Variants in ZNF248 observed in about 807,000 individuals in gnomAD.
ZNF248 encodes the protein KRAB protein domain.
ZNF248 carries 20 observed loss-of-function variants against 44.3 expected under a neutral mutation model. That is an observed-to-expected ratio of 0.45 (90% CI 0.32 to 0.66). The LOEUF (loss-of-function observed/expected upper bound fraction) is 0.66, where lower values mean the gene tolerates loss of function less well. Among genes scored for constraint, ZNF248 ranks in the 30% least tolerant of loss-of-function variants. The probability of loss-of-function intolerance (pLI) is 0.04; values close to 1 mark genes in which losing one functional copy is unlikely to be tolerated. For synonymous variants in ZNF248, 224 were observed against 229.0 expected (o/e 0.98, Z 0.20); for missense variants, 654 against 677.0 (o/e 0.97, Z 0.38).
At chr10:37,782,829 A>G (rs1473587292) in intron 6 of ZNF248, among the ~76,000 whole-genome samples, 1 of 152,122 alleles carries the variant, frequency 6.6e-6, no homozygotes, top group African/African-American at 2.4e-5. Context: ...CAGAAAGAAC[A>G]TGGGCCTGCC....
intron 6 of ZNF248, among the ~76,000 whole-genome samples, chr10:37,792,817 T>C (rs1401301770): frequency 1.3e-5 from 2 of 152,150 alleles, no homozygotes; most frequent in East Asian, 1.9e-4. Flanking sequence ...AAAACTGATA[T>C]AACAACTAAA....
At chr10:37,790,582 C>T (rs1339131592) in intron 6 of ZNF248, among the ~76,000 whole-genome samples, 2 of 150,280 alleles carry the variant, frequency 1.3e-5, no homozygotes, top group African/African-American at 2.4e-5. Context: ...TAGTGGCGCA[C>T]GCCTGTAGTC....
intron 6 of ZNF248, chr10:37,820,810 C>T: frequency 1.7e-6 from 2 of 1,181,032 alleles, no homozygotes; most frequent in South Asian, 2.5e-5. Flanking sequence ...CCTTTTGTTT[C>T]CTGATTTTCC....
At chr10:37,775,558 T>A (rs913346584), downstream of ZNF248, 1 of 152,204 alleles carries the variant, frequency 6.6e-6, no homozygotes, top group East Asian at 1.9e-4. Flanking sequence ...AGAGCCATGA[T>A]GAGTGAGAAT....
chr10:37,764,895 T>C, the ZNF248 span, among the ~76,000 whole-genome samples: 5 of 152,064 alleles, frequency 3.3e-5, no homozygotes, highest in Non-Finnish European at 7.4e-5. Flanking sequence ...GCAGATACAA[T>C]ATATTATATG....
At chr10:37,783,697 C>A (rs1310037090) in intron 6 of ZNF248, among the ~76,000 whole-genome samples, 1 of 152,208 alleles carries the variant, frequency 6.6e-6, no homozygotes, top group African/African-American at 2.4e-5. Context: ...CAGTTTTCCT[C>A]CTTGAACCAG....
downstream of ZNF248, chr10:37,776,356 C>A: frequency 2.7e-6 from 1 of 372,720 alleles, no homozygotes; most frequent in Non-Finnish European, 4.8e-6. Context: ...GATGTGATAA[C>A]ATTTACAGAG....
intron 6 of ZNF248, among the ~76,000 whole-genome samples, chr10:37,778,869 G>A (rs2046934756): frequency 6.6e-6 from 1 of 152,122 alleles, no homozygotes; most frequent in Admixed American, 6.6e-5. Context: ...ACTACCATCA[G>A]AGAATACTAC....
chr10:37,848,334 A>G (rs891573623), intron 3 of ZNF248, among the ~76,000 whole-genome samples: 1 of 152,140 alleles, frequency 6.6e-6, no homozygotes, highest in Non-Finnish European at 1.5e-5. Context: ...CTATAATCTG[A>G]GCACTTTGAG....
chr10:37,844,749 G>A (rs1354585105), intron 3 of ZNF248, among the ~76,000 whole-genome samples: 2 of 151,886 alleles, frequency 1.3e-5, no homozygotes, highest in African/African-American at 4.8e-5. Context: ...GAAAGGAAAT[G>A]GGAAGTAAAT....
chr10:37,789,270 TAA>T (rs1175229477), intron 6 of ZNF248, among the ~76,000 whole-genome samples: 1 of 150,154 alleles, frequency 6.7e-6, no homozygotes, highest in Admixed American at 6.7e-5. Flanking sequence ...GGATGAATGT[TAA>T]GTTACATAAA....
intron 3 of ZNF248, among the ~76,000 whole-genome samples, chr10:37,839,962 A>G (rs2058037909): frequency 6.6e-6 from 1 of 152,230 alleles, no homozygotes; most frequent in Non-Finnish European, 1.5e-5. Flanking sequence ...TTAATGCAAT[A>G]GCTATCATAA....
chr10:37,835,759 T>C (rs1023977552), intron 5 of ZNF248, among the ~76,000 whole-genome samples: 12 of 152,184 alleles, frequency 7.9e-5, no homozygotes, highest in Admixed American at 2.6e-4. Context: ...ATTTACTATC[T>C]GGTCATTTAC....
intron 3 of ZNF248, among the ~76,000 whole-genome samples, chr10:37,851,464 T>G (rs1384932161): frequency 6.6e-6 from 1 of 152,150 alleles, no homozygotes; most frequent in African/African-American, 2.4e-5. Flanking sequence ...TCTAAAAATT[T>G]CCTGTTCTTT....
At position 37,856,679 on chromosome 10, in the gene ZNF248, C is replaced by T; in HGVS notation, c.-125-147G>A. 4 of 1,007,766 alleles carry T rather than the reference C, an allele frequency of 4.0e-6. No individual in the cohort carries two copies. In the South Asian group the frequency reaches 1.8e-4, roughly 46 times the overall value. The allele number at this position is 1,007,766 out of a possible 1,614,324, so 62.4% of individuals were successfully genotyped here. A position where few individuals can be genotyped will look rare whatever the true frequency, so the allele number is the denominator to read the frequency against. ...TATTGTTTATCTGTTTACCTGTTAA[C>T]ACCATTAATGCCCTGAGGTTAGATA... On this transcript the variant is annotated intron_variant, in intron 1 of 5. Transcript: ENST00000395867.
intron 6 of ZNF248, among the ~76,000 whole-genome samples, chr10:37,801,458 G>A (rs1462855507): frequency 6.6e-6 from 1 of 151,794 alleles, no homozygotes; most frequent in East Asian, 1.9e-4. Flanking sequence ...GATCAGCCTA[G>A]ATAAAAATAT....
At chr10:37,811,004 A>G (rs1165878555) in intron 6 of ZNF248, among the ~76,000 whole-genome samples, 2 of 152,226 alleles carry the variant, frequency 1.3e-5, no homozygotes, top group African/African-American at 2.4e-5. Flanking sequence ...GTAACCTCTT[A>G]CAGTTTTCAC....
In ZNF248 at chr10:37,829,891, C is replaced by A; in HGVS notation, c.*1724G>T. 2.0e-6 allele frequency: 2 copies of A among 985,380 alleles called. No homozygotes were observed. The highest frequency in any genetic ancestry group is 2.4e-6 in the Non-Finnish European group (2 of 829,930). The allele number at this position is 985,380 out of a possible 1,614,324, so 61.0% of individuals were successfully genotyped here. On this transcript the variant is annotated 3_prime_UTR_variant, in exon 6 of 6. Coordinates refer to ENST00000395867, the MANE Select transcript of ZNF248 (RefSeq NM_021045.3). ...ACTTCCATGATTAGCTTTGACTAATCTGGACTTACCACCTAAGTCATCTGG... is the reference window on the plus strand; with the variant it reads ...ACTTCCATGATTAGCTTTGACTAATATGGACTTACCACCTAAGTCATCTGG...
exon 7 of ZNF248, chr10:37,776,529 T>C (rs1021034033): frequency 5.0e-6 from 2 of 398,358 alleles, no homozygotes; most frequent in African/African-American, 4.1e-5. Context: ...GGGCGCCTTC[T>C]TCTTACTTCA....
Sources: gnomAD v4.1 joint callset for allele counts (sites outside exome capture counted in the v4.1 genomes callset) on GRCh38, gnomAD v4.1.1 for gene constraint, MANE v1.5 for transcripts, NCBI Gene and HGNC (gene_info 2026-07-23, HGNC 2026-07-21) for gene names.